TDRD10: variants seen among roughly 807,000 people sequenced by gnomAD.
The protein encoded by TDRD10 is tudor domain-containing protein 10.
A neutral mutation model predicts 48.0 loss-of-function variants in TDRD10; 40 were observed. That is an observed-to-expected ratio of 0.83 (90% confidence interval 0.65 to 1.09). The LOEUF (loss-of-function observed/expected upper bound fraction) is 1.09, where lower values mean the gene tolerates loss of function less well. TDRD10 is among the 50% of genes least tolerant of loss of function. The pLI is 0.00. For synonymous variants in TDRD10, 162 were observed against 170.4 expected (o/e 0.95, Z 0.38); for missense variants, 378 against 434.7 (o/e 0.87, Z 1.16).
At chr1:154,528,305 A>G (rs1694418868) in intron 6 of TDRD10, among the ~76,000 whole-genome samples, 1 of 151,852 alleles carries the variant, frequency 6.6e-6, no homozygotes, top group South Asian at 2.1e-4. Flanking sequence ...TTCACTGGAC[A>G]ACCTCTGCCT....
Position 154,525,595 on chromosome 1 carries a change from A to G in TDRD10, c.369+4116A>G, listed in dbSNP as rs146708344. 3.2e-3 allele frequency among the ~76,000 whole-genome samples: 483 copies of G among 152,280 alleles called. 2 individuals carry two copies. Among genetic ancestry groups the G allele is most frequent in the African/African-American group, 0.011 (467 of 41,552 alleles). ...GGTAACAACATTTTAAAATCCAAAT[A>G]GGAAGTAGACATTAATGGCCAGGCA... On this transcript the variant is annotated intron_variant, in intron 6 of 12. Transcript: ENST00000368482.
intron 4 of TDRD10, chr1:154,509,980 A>G: frequency 1.9e-6 from 1 of 536,168 alleles, no homozygotes; most frequent in Non-Finnish European, 2.4e-6. Flanking sequence ...ACACCATGGT[A>G]AGGGAACGTT....
At chr1:154,536,894 G>A (rs900164354) in intron 6 of TDRD10, among the ~76,000 whole-genome samples, 2 of 152,098 alleles carry the variant, frequency 1.3e-5, no homozygotes, top group Admixed American at 6.5e-5. Context: ...CCATTTATTC[G>A]TCCTTGCACC....
intron 6 of TDRD10, among the ~76,000 whole-genome samples, chr1:154,530,722 C>T (rs760259300): frequency 5.9e-5 from 9 of 151,974 alleles, no homozygotes; most frequent in South Asian, 2.1e-4. Flanking sequence ...TAGGTTTTCT[C>T]GGTCTACTGT....
chr1:154,520,200 T>C, intron 4 of TDRD10, 104 bp from the exon 5 acceptor site: 1 of 781,114 alleles, frequency 1.3e-6, no homozygotes, highest in South Asian at 1.5e-5. Context: ...TCATTAAGTA[T>C]GAGTTAAATT....
chr1:154,541,449 GGGT>G (rs1286045280), intron 6 of TDRD10, among the ~76,000 whole-genome samples: 1 of 152,130 alleles, frequency 6.6e-6, no homozygotes. Context: ...CAAGGTGCGT[GGGT>G]GGTGGTGGTA....
At chr1:154,514,163 C>G (rs1693627848) in intron 4 of TDRD10, among the ~76,000 whole-genome samples, 1 of 152,278 alleles carries the variant, frequency 6.6e-6, no homozygotes, top group East Asian at 1.9e-4. Flanking sequence ...GCATTCCAGC[C>G]TGGGTGACAA....
chr1:154,522,371 C>CA (rs1162801180), intron 6 of TDRD10, among the ~76,000 whole-genome samples: 1 of 152,122 alleles, frequency 6.6e-6, no homozygotes, highest in Non-Finnish European at 1.5e-5. Context: ...AAAAGATAGA[C>CA]ACATTGTTGC....
At chr1:154,543,741 C>T (rs951617867) in intron 8 of TDRD10, among the ~76,000 whole-genome samples, 7 of 152,122 alleles carry the variant, frequency 4.6e-5, no homozygotes, top group Non-Finnish European at 1.0e-4. Flanking sequence ...CTCTTCAACC[C>T]CTACGCCCCC....
chr1:154,534,198 A>C (rs1041971080), intron 6 of TDRD10, among the ~76,000 whole-genome samples: 1 of 152,216 alleles, frequency 6.6e-6, no homozygotes, highest in Non-Finnish European at 1.5e-5. Context: ...CATGACAGAC[A>C]GTAAGGCCCC....
chr1:154,539,203 T>A (rs1167579441), intron 6 of TDRD10, among the ~76,000 whole-genome samples: 2 of 152,184 alleles, frequency 1.3e-5, no homozygotes, highest in Non-Finnish European at 2.9e-5. Flanking sequence ...AACTAAATCC[T>A]CACATCAAGA....
In TDRD10 at chr1:154,544,463, G is replaced by A. The variant is rs746851912; in HGVS notation, c.743G>A (p.Gly248Glu). The change falls in exon 10 of 13, where the codon GGG (glycine) becomes GAG (glutamate). Residue 248 changes from glycine (G) to glutamate (E), a missense_variant. Transcript: ENST00000368482. ...CTGGAGGGCTCCACCGTTATGCGCG[G>A]GACTCGCTGTCTGGCAGAGTACCAC... ...PYLEGSTVMR[G>E]TRCLAEYHLG... 6.2e-7 allele frequency: 1 copy of A among 1,613,280 alleles called. No homozygotes were observed. Among genetic ancestry groups the A allele is most frequent in the East Asian group, 2.2e-5 (1 of 44,872 alleles).
Position 154,543,815 on chromosome 1 carries a change from C to T in TDRD10, c.504-148C>T, listed in dbSNP as rs138642595. The T allele has an allele frequency of 7.7e-4, 957 of 1,243,458 alleles. 3 individuals are homozygous for T. In the African/African-American group the frequency reaches 0.012, roughly 16 times the overall value. The allele number at this position is 1,243,458 out of a possible 1,614,324, so 77.0% of individuals were successfully genotyped here. On this transcript the variant is annotated intron_variant, in intron 8 of 12. Coordinates refer to ENST00000368482, the MANE Select transcript of TDRD10 (RefSeq NM_182499.4). Reference sequence around the variant, plus strand: ...ACTTGGGAACTGGCTTTAGCTCCCACCCTAGAGGGGGTGGGCACAGCCTTT... The same window carrying T: ...ACTTGGGAACTGGCTTTAGCTCCCATCCTAGAGGGGGTGGGCACAGCCTTT...
intron 5 of TDRD10, among the ~76,000 whole-genome samples, chr1:154,520,798 T>C (rs1409161469): frequency 6.6e-6 from 1 of 152,110 alleles, no homozygotes; most frequent in East Asian, 1.9e-4. Context: ...AGTGCTGTGG[T>C]GCAGTCTCGG....
intron 5 of TDRD10, 82 bp downstream of exon 5, chr1:154,520,456 G>C: frequency 9.0e-7 from 1 of 1,106,798 alleles, no homozygotes; most frequent in Non-Finnish European, 1.4e-6. Flanking sequence ...TCATGTTGCA[G>C]ACTAGCCCAG....
chr1:154,529,294 A>C (rs6427721), intron 6 of TDRD10, among the ~76,000 whole-genome samples: 1 of 151,550 alleles, frequency 6.6e-6, no homozygotes, highest in Non-Finnish European at 1.5e-5. Flanking sequence ...GGCAGGTCTC[A>C]AACTCCTGAC....
chr1:154,512,378 C>T (rs1235622473), intron 4 of TDRD10, among the ~76,000 whole-genome samples: 3 of 152,034 alleles, frequency 2.0e-5, no homozygotes, highest in Non-Finnish European at 4.4e-5. Flanking sequence ...GAGTTTCACT[C>T]TTGTTGCCCA....
At chr1:154,545,701 A>G (rs1256863144) in intron 11 of TDRD10, among the ~76,000 whole-genome samples, 1 of 151,906 alleles carries the variant, frequency 6.6e-6, no homozygotes, top group Non-Finnish European at 1.5e-5. Flanking sequence ...TGGCCTCTCA[A>G]AGTGCTGGGA....
chr1:154,542,060 A>G lies in TDRD10; in HGVS notation c.406A>G (p.Thr136Ala). Reference protein sequence around the residue: ...EKASGEGFGKTAAIIQLAPKA... With the variant: ...EKASGEGFGKAAAIIQLAPKA... ...GGCTTCTGGTGAAGGATTTGGCAAA[A>G]CCGCCGGTGAGATTCTGCGCTGCCA... The change falls in exon 7 of 13, where the codon ACC becomes GCC. Residue 136 changes from threonine to alanine, a missense_variant. By Grantham distance (58) the Thr-to-Ala change is moderately conservative. This residue lies in a region of TDRD10 where 310 missense variants were observed against 323.6 expected (regional missense o/e 0.96). Transcript: ENST00000368482. 6.2e-7 allele frequency: 1 copy of G among 1,613,068 alleles called. No individual in the cohort carries two copies. Among genetic ancestry groups the G allele is most frequent in the South Asian group, 1.1e-5 (1 of 90,966 alleles).
Sources: gnomAD v4.1 joint callset for allele counts (sites outside exome capture counted in the v4.1 genomes callset) on GRCh38, gnomAD v4.1.1 for gene constraint, gnomAD v4.1.1 regional missense constraint, MANE v1.5 for transcripts, NCBI Gene and HGNC (gene_info 2026-07-23, HGNC 2026-07-21) for gene names.